IFT122: variants seen among roughly 807,000 people sequenced by gnomAD.
The protein encoded by IFT122 is intraflagellar transport 122.
A neutral mutation model predicts 161.6 loss-of-function variants in IFT122; 118 were observed. The observed-to-expected ratio is 0.73, with a 90% CI of 0.63 to 0.85. IFT122 has a LOEUF of 0.85. Ranked by LOEUF, IFT122 falls within the 40% of genes least tolerant of loss-of-function variation. IFT122 has a pLI of 0.00. For missense variants in IFT122, 1,381 were observed against 1,579.6 expected (o/e 0.87, Z 2.13); for synonymous variants, 550 against 602.4 (o/e 0.91, Z 1.27).
At chr3:129,442,034 A>G (rs2107798703) in intron 1 of IFT122, among the ~76,000 whole-genome samples, 1 of 152,262 alleles carries the variant, frequency 6.6e-6, no homozygotes, top group South Asian at 2.1e-4. Context: ...TGTTTTTACC[A>G]GAAGCTAGGA....
chr3:129,518,332 A>G (rs1196226737), intron 27 of IFT122, among the ~76,000 whole-genome samples: 1 of 152,238 alleles, frequency 6.6e-6, no homozygotes, highest in Non-Finnish European at 1.5e-5. Context: ...TGCAGGCTGG[A>G]CATGGGAGGG....
intron 27 of IFT122, 88 bp downstream of exon 27, chr3:129,517,682 G>C (rs1166622091): frequency 6.5e-7 from 1 of 1,527,228 alleles, no homozygotes; most frequent in Non-Finnish European, 9.0e-7. Flanking sequence ...AGTCCCAGGG[G>C]ATCGCGGGCC....
rs778203224 is a variant in IFT122, at chr3:129,502,894, G to T, written c.2547+12G>T. The T allele has an allele frequency of 1.2e-6, 2 of 1,607,210 alleles. No homozygotes were observed. The highest frequency in any genetic ancestry group is 2.2e-5 in the South Asian group (2 of 91,076). On this transcript the variant is annotated intron_variant, in intron 20 of 29. Coordinates refer to ENST00000348417, the MANE Select transcript of IFT122 (RefSeq NM_052989.3). ...AGCGCTGGGATGAGGTGAGGGGAAA[G>T]CAGGCCTCATGGGCTGGGGCCCCAC...
Position 129,481,712 on chromosome 3 carries a change from G to T in IFT122, c.1653+18G>T. The T allele has an allele frequency of 2.5e-6, 4 of 1,613,010 alleles. No individual in the cohort carries two copies. The highest frequency in any genetic ancestry group is 1.7e-5 in the Admixed American group (1 of 60,010). ...TTTTTCAGGTGAAGTCCCTGAGGGG[G>T]CCCAGGGACATCATCCTTTGATTAG... On this transcript the variant is annotated intron_variant, in intron 14 of 29. Transcript: ENST00000348417.
rs113804140 is a variant in IFT122, at chr3:129,504,736, C to G, written c.2650+315C>G. Among the ~76,000 whole-genome samples the G allele has an allele frequency of 8.9e-3, 1,348 of 152,300 alleles. 17 individuals are homozygous for G. The highest frequency in any genetic ancestry group is 0.031 in the African/African-American group (1,283 of 41,564). Reference sequence around the variant, plus strand: ...TTCCCGTTTAATCCTCGCAACAGCCCTATGGTATAGCTACCATCATTATGA... The same window carrying G: ...TTCCCGTTTAATCCTCGCAACAGCCGTATGGTATAGCTACCATCATTATGA... On this transcript the variant is annotated intron_variant, in intron 21 of 29. Transcript: ENST00000348417.
At chr3:129,514,686 A>G in intron 25 of IFT122, 132 bp downstream of exon 25, 7 of 1,048,274 alleles carry the variant, frequency 6.7e-6, no homozygotes, top group Non-Finnish European at 1.0e-5. Context: ...CCCCCTGCTC[A>G]AGCCTGGCCA....
At position 129,440,285 on chromosome 3, in the gene IFT122, G is replaced by A. The variant is rs1559810542; in HGVS notation, c.-46G>A. 1 of 1,549,468 alleles carries A rather than the reference G, an allele frequency of 6.5e-7. No homozygotes were observed. ...CGTTAGTGAGGCGGTTGCTGAGACA[G>A]ACGCTGAGGCGGGTAGGAGGAGCCC... On this transcript the variant is annotated 5_prime_UTR_variant, in exon 1 of 30. Transcript: ENST00000348417.
At chr3:129,515,411 G>A (rs2083366418) in intron 25 of IFT122, 77 bp from the exon 26 acceptor site, 1 of 1,198,502 alleles carries the variant, frequency 8.3e-7, no homozygotes, top group Non-Finnish European at 1.2e-6. Context: ...CAGGCCCCAG[G>A]GGCCTGAAGC....
chr3:129,452,701 A>C (rs1017641556), intron 3 of IFT122, among the ~76,000 whole-genome samples: 2 of 152,210 alleles, frequency 1.3e-5, no homozygotes, highest in African/African-American at 2.4e-5. Context: ...ATTCTCAGTC[A>C]AAATGGAACT....
intron 1 of IFT122, among the ~76,000 whole-genome samples, chr3:129,447,437 A>G (rs962550096): frequency 6.6e-6 from 1 of 152,188 alleles, no homozygotes; most frequent in Non-Finnish European, 1.5e-5. Flanking sequence ...GGTTAAGATA[A>G]AGGATTGTGG....
chr3:129,496,528 T>A (rs2080866231), intron 18 of IFT122, among the ~76,000 whole-genome samples: 1 of 152,182 alleles, frequency 6.6e-6, no homozygotes, highest in Non-Finnish European at 1.5e-5. Flanking sequence ...GCTCACAAGT[T>A]CAAGATGGAA....
In IFT122 at chr3:129,520,387, G is replaced by T; in HGVS notation, c.*122G>T. On this transcript the variant is annotated 3_prime_UTR_variant, in exon 30 of 30. Transcript: ENST00000348417. ...GCCCAGATGAAGTTTGTGTTTTGTG[G>T]GGGGGGCCTTGTGTAACCACGGAAT... 1 of 817,972 alleles carries T rather than the reference G, an allele frequency of 1.2e-6. No individual in the cohort carries two copies. The highest frequency in any genetic ancestry group is 2.0e-6 in the Non-Finnish European group (1 of 491,092). 50.7% of individuals were successfully genotyped at this position (817,972 alleles called of 1,614,324 possible). A position where few individuals can be genotyped will look rare whatever the true frequency, so the allele number is the denominator to read the frequency against.
At chr3:129,511,557 T>C (rs2082829523) in intron 23 of IFT122, among the ~76,000 whole-genome samples, 1 of 152,218 alleles carries the variant, frequency 6.6e-6, no homozygotes, top group Non-Finnish European at 1.5e-5. Flanking sequence ...TCAGTTTATA[T>C]ACAGTGTGCC....
At chr3:129,479,687 A>G in intron 12 of IFT122, 98 bp from the exon 13 acceptor site, 2 of 1,396,510 alleles carry the variant, frequency 1.4e-6, no homozygotes, top group Non-Finnish European at 2.0e-6. Context: ...CTGAATGTGT[A>G]GGTATTTTCT....
chr3:129,492,914 G>A (rs2080325137), intron 17 of IFT122, among the ~76,000 whole-genome samples: 1 of 151,036 alleles, frequency 6.6e-6, no homozygotes, highest in South Asian at 2.1e-4. Context: ...GACCTCCCAG[G>A]CTCAAATGAT....
chr3:129,517,438 G>GC (rs1315890300), intron 26 of IFT122, 31 bp from the exon 27 acceptor site: 1 of 1,611,426 alleles, frequency 6.2e-7, no homozygotes, highest in Admixed American at 1.7e-5. Flanking sequence ...AAGGCCTCCA[G>GC]CCCCCTCAGC....
In IFT122 at chr3:129,519,564, G is replaced by A; in HGVS notation, c.3472-4G>A. 6.2e-7 allele frequency: 1 copy of A among 1,613,096 alleles called. No individual in the cohort carries two copies. Among genetic ancestry groups the A allele is most frequent in the Non-Finnish European group, 8.5e-7 (1 of 1,179,986 alleles). ...ACTGTGCCTCCTTCCCGCCCACCCT[G>A]CAGCAAGGTGGCTCAGAGTTCGTGC... On this transcript the variant is annotated splice_polypyrimidine_tract_variant and splice_region_variant and intron_variant, in intron 28 of 29. Coordinates refer to ENST00000348417, the MANE Select transcript of IFT122 (RefSeq NM_052989.3).
At chr3:129,467,663 ATTC>A (rs2076944388) in intron 8 of IFT122, among the ~76,000 whole-genome samples, 1 of 152,180 alleles carries the variant, frequency 6.6e-6, no homozygotes, top group African/African-American at 2.4e-5. Context: ...CTGTCTAGTC[ATTC>A]TTCTCTTCAG....
At chr3:129,473,375 G>A (rs1039164295) in intron 9 of IFT122, among the ~76,000 whole-genome samples, 1 of 152,086 alleles carries the variant, frequency 6.6e-6, no homozygotes, top group African/African-American at 2.4e-5. Flanking sequence ...TTTTTCCCTT[G>A]AATATGGTTC....
Sources: allele counts gnomAD v4.1 joint callset (sites outside exome capture counted in the v4.1 genomes callset), GRCh38; gene constraint gnomAD v4.1.1; transcripts MANE v1.5; gene names NCBI Gene and HGNC (gene_info 2026-07-23, HGNC 2026-07-21).